Variants in MRPL44 observed in about 807,000 individuals in gnomAD.
MRPL44 encodes the protein mitochondrial ribosomal protein L44, also known as large ribosomal subunit protein mL44.
MRPL44 carries 21 observed loss-of-function variants against 25.9 expected under a neutral mutation model. The observed-to-expected ratio is 0.81, with a 90% confidence interval of 0.58 to 1.17. The LOEUF is 1.17. MRPL44 is among the 50% of genes most tolerant of loss of function. The pLI is 0.00. For synonymous variants in MRPL44, 169 were observed against 151.0 expected (o/e 1.12, Z -0.87); for missense variants, 410 against 398.9 (o/e 1.03, Z -0.24).
rs761948864 is a variant in MRPL44 at position 223,957,533 on chromosome 2, G to T, written c.61G>T (p.Ala21Ser). Residue 21 changes from alanine to serine, a missense_variant, in exon 1 of 4, where the codon GCC (alanine) becomes TCC (serine). By Grantham distance (99) the Ala-to-Ser change is moderately conservative. Coordinates refer to ENST00000258383, the MANE Select transcript of MRPL44 (RefSeq NM_022915.5). ...QGHRCLLAPVAPKLVPPVRGV... is the reference protein window; with the variant it reads ...QGHRCLLAPVSPKLVPPVRGV... ...ACATCGCTGCCTCCTGGCTCCAGTC[G>T]CCCCCAAGCTGGTCCCTCCGGTTCG... 1.2e-6 allele frequency: 2 copies of T among 1,613,920 alleles called. No homozygotes were observed. Among genetic ancestry groups the T allele is most frequent in the South Asian group, 2.2e-5 (2 of 91,090 alleles).
At chr2:223,951,346 A>G in the MRPL44 span, among the ~76,000 whole-genome samples, 31 of 152,336 alleles carry the variant, frequency 2.0e-4, no homozygotes, top group African/African-American at 6.5e-4. Context: ...GTGTTTGGCT[A>G]CATGGATAAG....
intron 2 of MRPL44, among the ~76,000 whole-genome samples, chr2:223,961,768 A>G (rs1268620000): frequency 6.6e-6 from 1 of 152,216 alleles, no homozygotes; most frequent in Non-Finnish European, 1.5e-5. Flanking sequence ...AAACCCTACT[A>G]GAAAGCTCTA....
At chr2:223,951,369 G>A in the MRPL44 span, among the ~76,000 whole-genome samples, 1 of 151,880 alleles carries the variant, frequency 6.6e-6, no homozygotes, top group Non-Finnish European at 1.5e-5. Context: ...ATTTTGTGGT[G>A]ATTTCTTGCA....
chr2:223,963,825 C>T lies in MRPL44; in HGVS notation c.718C>T (p.Leu240=). The T allele has an allele frequency of 6.2e-7, 1 of 1,613,728 alleles. No homozygotes were observed. Among genetic ancestry groups the T allele is most frequent in the South Asian group, 1.1e-5 (1 of 91,066 alleles). Residue 240 remains leucine (L), a synonymous_variant, in exon 3 of 4, where the codon CTA becomes TTA. Transcript: ENST00000258383. The part of the protein sequence containing the change: ...EMWKIINPMG[L]LVEELKKRNV... ...GTGGAAGATAATAAATCCCATGGGG[C>T]TATTGGTAGAAGAACTGAAGAAAAG...
intron 3 of MRPL44, among the ~76,000 whole-genome samples, chr2:223,965,141 C>T (rs115051822): frequency 9.4e-4 from 143 of 152,074 alleles, no homozygotes; most frequent in Non-Finnish European, 1.8e-3. Context: ...CTTTTTAAAA[C>T]GTGATCAGTG....
In MRPL44 at chr2:223,959,536, C is replaced by T. The variant is rs1689622836; in HGVS notation, c.182C>T (p.Ser61Leu). 6.2e-7 allele frequency: 1 copy of T among 1,602,134 alleles called. No individual in the cohort carries two copies. Among genetic ancestry groups the T allele is most frequent in the African/African-American group, 1.3e-5 (1 of 74,224 alleles). Residue 61 changes from serine (S) to leucine (L), a missense_variant and splice_region_variant, in exon 2 of 4, where the codon TCA (serine) becomes TTA (leucine). Physicochemically the swap from Ser to Leu is moderately radical, Grantham distance 145. Transcript: ENST00000258383. ...LRCPPPPVRR[S>L]EKPNWDYHAE... Reference sequence around the variant, plus strand: ...TCTTACTGTCTTTACATTTTCAGTTCAGAGAAGCCGAACTGGGATTACCAT... The same window carrying T: ...TCTTACTGTCTTTACATTTTCAGTTTAGAGAAGCCGAACTGGGATTACCAT...
At chr2:223,957,458 G>GT, upstream of MRPL44, 2 of 1,614,112 alleles carry the variant, frequency 1.2e-6, no homozygotes, top group Non-Finnish European at 1.7e-6. Context: ...GTCTTCCATC[G>GT]TTTTCTCTCG....
At chr2:223,951,094 G>A in the MRPL44 span, among the ~76,000 whole-genome samples, 1 of 152,176 alleles carries the variant, frequency 6.6e-6, no homozygotes, top group Non-Finnish European at 1.5e-5. Flanking sequence ...TGTGTGTATT[G>A]TCCTGAAGAC....
rs185198935 is a variant in MRPL44 at position 223,965,071 on chromosome 2, G to T, written c.827+1137G>T. Among the ~76,000 whole-genome samples, 223 of 151,984 alleles carry T rather than the reference G, an allele frequency of 1.5e-3. 2 individuals are homozygous for T. Among genetic ancestry groups the T allele is most frequent in the Middle Eastern group, 6.8e-3 (2 of 292 alleles). On this transcript the variant is annotated intron_variant, in intron 3 of 3. Transcript: ENST00000258383. ...AAAAAAAAAATGTAAGAAGTAATTT[G>T]CCATATCACTACAGTGATTACTATT...
At chr2:223,952,177 A>G in the MRPL44 span, among the ~76,000 whole-genome samples, 6 of 152,100 alleles carry the variant, frequency 3.9e-5, no homozygotes, top group African/African-American at 7.2e-5. Flanking sequence ...GCTTCCTGAT[A>G]AGTTTGTATG....
rs974401965 is a variant in MRPL44, at chr2:223,959,814, A to G, written c.460A>G (p.Lys154Glu). Residue 154 changes from lysine (K) to glutamate (E), a missense_variant, in exon 2 of 4, where the codon AAA becomes GAA. Coordinates refer to ENST00000258383, the MANE Select transcript of MRPL44 (RefSeq NM_022915.5). ...EYPDMPTEGI[K>E]NLVDFLTGEE... Reference sequence around the variant, plus strand: ...CCCAGACATGCCCACTGAAGGCATAAAAAATCTTGTTGACTTTCTCACTGG... The same window carrying G: ...CCCAGACATGCCCACTGAAGGCATAGAAAATCTTGTTGACTTTCTCACTGG... The G allele has an allele frequency of 6.2e-7, 1 of 1,614,212 alleles. No homozygotes were observed. Among genetic ancestry groups the G allele is most frequent in the Admixed American group, 1.7e-5 (1 of 60,036 alleles).
chr2:223,951,478 G>GTTTTTTTTTTTTTTTTTTT, the MRPL44 span, among the ~76,000 whole-genome samples: 8 of 112,534 alleles, frequency 7.1e-5, no homozygotes, highest in African/African-American at 2.7e-4. Context: ...TTACCTTGGA[G>GTTTTTTTTTTTTTTTTTTT]TTTTTTTTTT....
upstream of MRPL44, among the ~76,000 whole-genome samples, chr2:223,956,498 C>T (rs144525171): frequency 5.3e-5 from 8 of 152,086 alleles, no homozygotes; most frequent in African/African-American, 1.5e-4. Flanking sequence ...ATTACACTAA[C>T]CACGGAAAGA....
intron 2 of MRPL44, 127 bp downstream of exon 2, chr2:223,960,129 A>G: frequency 1.4e-6 from 1 of 709,318 alleles, no homozygotes; most frequent in Non-Finnish European, 2.3e-6. Flanking sequence ...AAAGACCTAA[A>G]GGTTTTTTAT....
chr2:223,957,263 G>C (rs1689577699), upstream of MRPL44: 11 of 619,326 alleles, frequency 1.8e-5, no homozygotes, highest in East Asian at 2.5e-4. Context: ...AGAGAGGAGA[G>C]AACTAGCGCA....
At chr2:223,952,956 G>A (rs1267826607), upstream of MRPL44, among the ~76,000 whole-genome samples, 2 of 152,090 alleles carry the variant, frequency 1.3e-5, no homozygotes, top group African/African-American at 4.8e-5. Flanking sequence ...GTCTTTTAAA[G>A]CCATCATGAG....
At chr2:223,954,073 A>C (rs1264271344), upstream of MRPL44, among the ~76,000 whole-genome samples, 1 of 152,222 alleles carries the variant, frequency 6.6e-6, no homozygotes, top group African/African-American at 2.4e-5. Context: ...GTTTCTCAAA[A>C]GTATCCTTAA....
chr2:223,954,717 G>A (rs1224805409), upstream of MRPL44, among the ~76,000 whole-genome samples: 1 of 152,180 alleles, frequency 6.6e-6, no homozygotes, highest in African/African-American at 2.4e-5. Context: ...CAAAATGGAA[G>A]CTATGATGTA....
intron 2 of MRPL44, among the ~76,000 whole-genome samples, chr2:223,962,050 T>C (rs1411447404): frequency 6.6e-6 from 1 of 152,222 alleles, no homozygotes; most frequent in African/African-American, 2.4e-5. Flanking sequence ...GTAAGTTTTT[T>C]TTTCGAGGCA....
Sources: allele counts gnomAD v4.1 joint callset (sites outside exome capture counted in the v4.1 genomes callset), GRCh38; gene constraint gnomAD v4.1.1; transcripts MANE v1.5; gene names NCBI Gene and HGNC (gene_info 2026-07-23, HGNC 2026-07-21).